Variants in ZNF804B observed in about 807,000 individuals in gnomAD.
ZNF804B encodes zinc finger 804B.
In ZNF804B, 80 loss-of-function variants were observed where a neutral mutation model predicts 101.4. The ratio of observed to expected loss-of-function variants is 0.79; its 90% CI spans 0.66 to 0.95. The LOEUF (loss-of-function observed/expected upper bound fraction) is 0.95, where lower values mean the gene tolerates loss of function less well. Ranked by LOEUF, ZNF804B falls within the 40% of genes least tolerant of loss-of-function variation. The pLI is 0.00. For missense variants in ZNF804B, 1,673 were observed against 1,561.9 expected, an observed-to-expected ratio of 1.07 and a Z score of -1.20; for synonymous variants, 622 against 558.8, an observed-to-expected ratio of 1.11 and a Z score of -1.59.
chr7:88,785,798 C>T (rs1325124951), intron 1 of ZNF804B, among the ~76,000 whole-genome samples: 1 of 152,112 alleles, frequency 6.6e-6, no homozygotes, highest in East Asian at 1.9e-4. Context: ...AAAATCTCCT[C>T]TGCCAGGAAC....
intron 1 of ZNF804B, among the ~76,000 whole-genome samples, chr7:88,986,910 T>A (rs1301567047): frequency 1.1e-4 from 17 of 152,084 alleles, no homozygotes; most frequent in Non-Finnish European, 7.4e-5. Context: ...TTTTGTTTTG[T>A]TTTGTTTTAA....
In ZNF804B at chr7:89,336,730, ACT is replaced by A; in HGVS notation, c.3751_3752del (p.Leu1251AspfsTer79). The A allele has an allele frequency of 1.2e-6, 2 of 1,613,520 alleles. No individual in the cohort carries two copies. The highest frequency in any genetic ancestry group is 1.3e-5 in the African/African-American group (1 of 74,782). ...ACATTTCAGTCCTATTTCATTTTCG[ACT>A]CTGACTCCAACCATTATCCCTGCAC... ...QAHFSPISFSTLTPTIIPAHP... is the reference protein window; with the variant it reads ...QAHFSPISFSXLTPTIIPAHP... On this transcript the variant is annotated frameshift_variant, in exon 4 of 4. Transcript: ENST00000333190. LOFTEE classifies it high-confidence loss of function.
intron 1 of ZNF804B, among the ~76,000 whole-genome samples, chr7:89,063,268 TG>T (rs1789404471): frequency 6.6e-6 from 1 of 152,172 alleles, no homozygotes. Context: ...GAGGACCTAT[TG>T]CATGTCTGAT....
At chr7:89,299,469 AG>A (rs1420012954) in intron 2 of ZNF804B, among the ~76,000 whole-genome samples, 1 of 152,072 alleles carries the variant, frequency 6.6e-6, no homozygotes, top group African/African-American at 2.4e-5. Context: ...TCTCCTCTCT[AG>A]GATTCTGATT....
At chr7:88,875,439 A>G (rs1791915944) in intron 1 of ZNF804B, among the ~76,000 whole-genome samples, 2 of 152,194 alleles carry the variant, frequency 1.3e-5, no homozygotes, top group South Asian at 4.1e-4. Context: ...AAAAAGAGAG[A>G]AGAATCAAAT....
intron 1 of ZNF804B, among the ~76,000 whole-genome samples, chr7:89,075,290 G>T (rs1415722352): frequency 6.6e-6 from 1 of 152,114 alleles, no homozygotes; most frequent in African/African-American, 2.4e-5. Context: ...CAGACCAGAG[G>T]CCTAGGAGGA....
intron 2 of ZNF804B, among the ~76,000 whole-genome samples, chr7:89,222,874 T>A (rs1251138715): frequency 6.6e-6 from 1 of 151,994 alleles, no homozygotes; most frequent in Non-Finnish European, 1.5e-5. Flanking sequence ...AACATTGGAA[T>A]AATTAAATTT....
intron 2 of ZNF804B, among the ~76,000 whole-genome samples, chr7:89,225,177 G>T (rs1201645760): frequency 2.6e-5 from 4 of 151,960 alleles, no homozygotes; most frequent in Non-Finnish European, 5.9e-5. Flanking sequence ...ATGTCCTGTT[G>T]CCACTATCAG....
chr7:89,323,397 T>C (rs1292011039), intron 2 of ZNF804B, among the ~76,000 whole-genome samples: 1 of 152,170 alleles, frequency 6.6e-6, no homozygotes, highest in African/African-American at 2.4e-5. Flanking sequence ...GCAAATCAAA[T>C]TCATCAATAT....
chr7:89,037,332 C>T (rs1459856674), intron 1 of ZNF804B, among the ~76,000 whole-genome samples: 1 of 151,942 alleles, frequency 6.6e-6, no homozygotes, highest in Non-Finnish European at 1.5e-5. Flanking sequence ...TTGTGTTTTA[C>T]CAGTGTATAT....
rs180831856 is a variant in ZNF804B at position 89,277,095 on chromosome 7, T to A, written c.250-50249T>A. Among the ~76,000 whole-genome samples the A allele has an allele frequency of 9.6e-3, 1,436 of 148,826 alleles. 58 individuals are homozygous for A. Among genetic ancestry groups the A allele is most frequent in the African/African-American group, 0.033 (1,339 of 40,714 alleles). ...ATAGACATTTTCAGTTTATTATGTA[T>A]ACAAATATTTATTATATATAAATAT... On this transcript the variant is annotated intron_variant, in intron 2 of 3. Coordinates refer to ENST00000333190, the MANE Select transcript of ZNF804B (RefSeq NM_181646.5).
At chr7:89,120,396 G>A (rs993187503) in intron 1 of ZNF804B, among the ~76,000 whole-genome samples, 1 of 152,014 alleles carries the variant, frequency 6.6e-6, no homozygotes, top group Non-Finnish European at 1.5e-5. Flanking sequence ...GGTGGCTCAC[G>A]CGTGTAATCC....
chr7:89,025,420 G>C (rs1788733914), intron 1 of ZNF804B, among the ~76,000 whole-genome samples: 1 of 151,932 alleles, frequency 6.6e-6, no homozygotes, highest in Admixed American at 6.6e-5. Flanking sequence ...TTAAGGCAAT[G>C]TCTCCAAAAA....
intron 1 of ZNF804B, among the ~76,000 whole-genome samples, chr7:88,900,841 C>T (rs553170737): frequency 1.6e-4 from 24 of 149,886 alleles, no homozygotes; most frequent in East Asian, 9.8e-4. Flanking sequence ...AATTGACCCA[C>T]GGAAAAAAAA....
At chr7:89,015,671 AT>A (rs1191850892) in intron 1 of ZNF804B, among the ~76,000 whole-genome samples, 2 of 152,002 alleles carry the variant, frequency 1.3e-5, no homozygotes, top group African/African-American at 4.8e-5. Flanking sequence ...TGAACTCATC[AT>A]TTTTTATGGC....
chr7:88,825,610 C>T (rs975566729), intron 1 of ZNF804B, among the ~76,000 whole-genome samples: 1 of 152,182 alleles, frequency 6.6e-6, no homozygotes, highest in Non-Finnish European at 1.5e-5. Flanking sequence ...TTCAGCATCA[C>T]TGTGTCCCTG....
intron 2 of ZNF804B, among the ~76,000 whole-genome samples, chr7:89,313,533 C>T (rs1790675713): frequency 6.6e-6 from 1 of 152,176 alleles, no homozygotes. Context: ...CTATTCCTAA[C>T]ACATAGAGAC....
At chr7:89,059,925 C>G (rs1202738608) in intron 1 of ZNF804B, among the ~76,000 whole-genome samples, 1 of 151,944 alleles carries the variant, frequency 6.6e-6, no homozygotes, top group Admixed American at 6.6e-5. Context: ...AGAATGAATA[C>G]AGAAGGTGAA....
intron 1 of ZNF804B, among the ~76,000 whole-genome samples, chr7:89,192,382 G>A (rs1483277936): frequency 3.3e-5 from 5 of 151,718 alleles, no homozygotes; most frequent in Admixed American, 3.3e-4. Context: ...GATAAAAAAC[G>A]GTGGTATGTC....
Sources: allele counts gnomAD v4.1 joint callset (sites outside exome capture counted in the v4.1 genomes callset), GRCh38; gene constraint gnomAD v4.1.1; transcripts MANE v1.5; gene names NCBI Gene and HGNC (gene_info 2026-07-23, HGNC 2026-07-21).